The following LEKR1 variants were observed in gnomAD, a reference collection of about 807,000 sequenced individuals.
LEKR1 encodes the protein protein LEKR1.
A neutral mutation model predicts 72.4 loss-of-function variants in LEKR1; 59 were observed. The ratio of observed to expected loss-of-function variants is 0.82; its 90% CI spans 0.66 to 1.01. The LOEUF (loss-of-function observed/expected upper bound fraction) is 1.01, where lower values mean the gene tolerates loss of function less well. Ranked by LOEUF, LEKR1 falls within the 50% of genes least tolerant of loss-of-function variation. LEKR1 has a pLI of 0.00. For missense variants in LEKR1, 728 were observed against 759.2 expected, an observed-to-expected ratio of 0.96 and a Z score of 0.48; for synonymous variants, 257 against 263.2, an observed-to-expected ratio of 0.98 and a Z score of 0.23.
intron 6 of LEKR1, among the ~76,000 whole-genome samples, chr3:156,970,092 C>T (rs1336977617): frequency 1.3e-5 from 2 of 152,184 alleles, no homozygotes; most frequent in Admixed American, 6.5e-5. Flanking sequence ...TAAAAACTCT[C>T]AATAAATTAG....
intron 9 of LEKR1, among the ~76,000 whole-genome samples, chr3:157,001,553 A>G (rs1732014530): frequency 1.3e-5 from 2 of 152,230 alleles, no homozygotes; most frequent in Admixed American, 1.3e-4. Context: ...TTTTGGTCCA[A>G]TAATTTAATA....
chr3:156,876,550 G>A (rs1225097156), intron 3 of LEKR1, among the ~76,000 whole-genome samples: 1 of 152,114 alleles, frequency 6.6e-6, no homozygotes, highest in African/African-American at 2.4e-5. Flanking sequence ...CCTTGGTTAG[G>A]TATATTCCTA....
At chr3:156,951,492 T>G (rs1359720161) in intron 6 of LEKR1, among the ~76,000 whole-genome samples, 8 of 148,602 alleles carry the variant, frequency 5.4e-5, no homozygotes, top group African/African-American at 1.5e-4. Context: ...GCTCCTGGGG[T>G]TTTTTTTTGG....
At chr3:156,876,937 A>G (rs1295139429) in intron 3 of LEKR1, among the ~76,000 whole-genome samples, 2 of 140,822 alleles carry the variant, frequency 1.4e-5, no homozygotes, top group Non-Finnish European at 3.2e-5. Flanking sequence ...TTCCCCATTC[A>G]GTATAATGTT....
At chr3:156,907,484 T>C (rs1030933840) in intron 3 of LEKR1, among the ~76,000 whole-genome samples, 5 of 152,108 alleles carry the variant, frequency 3.3e-5, no homozygotes, top group African/African-American at 1.2e-4. Flanking sequence ...CTGACCATTA[T>C]TGGCATATAC....
At chr3:156,915,468 A>G (rs557247285) in intron 3 of LEKR1, among the ~76,000 whole-genome samples, 4 of 151,288 alleles carry the variant, frequency 2.6e-5, no homozygotes, top group Admixed American at 2.0e-4. Context: ...GTGTGAGATG[A>G]TATCTCATCG....
rs565310576 is a variant in LEKR1, at chr3:156,903,522, A to G, written c.264-17053A>G. On this transcript the variant is annotated intron_variant, in intron 3 of 12. Coordinates refer to ENST00000356539, the MANE Select transcript of LEKR1 (RefSeq NM_001004316.3). ...TAGTTACGACTCTTGGTTGTGACTA[A>G]AATTTAGCTTGAACTAGCTTAGGCA... Among the ~76,000 whole-genome samples, 5 of 152,168 alleles carry G rather than the reference A, an allele frequency of 3.3e-5. No individual in the cohort carries two copies. In the South Asian group the frequency reaches 1.0e-3, roughly 31 times the overall value.
At chr3:157,036,380 G>GAGAAA (rs1463728235) in intron 12 of LEKR1, among the ~76,000 whole-genome samples, 1 of 151,998 alleles carries the variant, frequency 6.6e-6, no homozygotes, top group Non-Finnish European at 1.5e-5. Flanking sequence ...CAAAAAGATG[G>GAGAAA]AGAAAAGAAA....
At chr3:157,014,788 T>C (rs1733177783) in intron 10 of LEKR1, among the ~76,000 whole-genome samples, 1 of 152,212 alleles carries the variant, frequency 6.6e-6, no homozygotes, top group African/African-American at 2.4e-5. Context: ...CCATTAATAA[T>C]GTAATTTTCA....
At chr3:157,010,726 C>G (rs1466981266) in intron 9 of LEKR1, among the ~76,000 whole-genome samples, 3 of 152,014 alleles carry the variant, frequency 2.0e-5, no homozygotes, top group Non-Finnish European at 4.4e-5. Flanking sequence ...AATTTCAGTG[C>G]CCCTGTGAAA....
At chr3:156,865,479 G>T (rs1717200469) in intron 3 of LEKR1, among the ~76,000 whole-genome samples, 1 of 151,928 alleles carries the variant, frequency 6.6e-6, no homozygotes, top group Non-Finnish European at 1.5e-5. Context: ...CATTATCTTT[G>T]ATTCTTCCCA....
intron 2 of LEKR1, among the ~76,000 whole-genome samples, chr3:156,839,672 A>G (rs1039925397): frequency 3.3e-5 from 5 of 152,202 alleles, no homozygotes; most frequent in African/African-American, 1.2e-4. Flanking sequence ...ATCAGTGCAG[A>G]CAATGAGAAA....
chr3:157,036,063 C>T (rs1734950421), intron 12 of LEKR1, among the ~76,000 whole-genome samples: 1 of 152,112 alleles, frequency 6.6e-6, no homozygotes, highest in African/African-American at 2.4e-5. Flanking sequence ...CATTTTTAAA[C>T]ACGAACAGCC....
intron 3 of LEKR1, among the ~76,000 whole-genome samples, chr3:156,872,734 A>G (rs1435227098): frequency 6.6e-6 from 1 of 151,722 alleles, no homozygotes; most frequent in Non-Finnish European, 1.5e-5. Flanking sequence ...TTTAATTTCC[A>G]TGTATTTGTA....
chr3:156,957,244 G>A (rs1002655042), intron 6 of LEKR1, among the ~76,000 whole-genome samples: 2 of 151,804 alleles, frequency 1.3e-5, no homozygotes, highest in African/African-American at 4.8e-5. Context: ...TATGACCACT[G>A]GGCATCAACA....
intron 3 of LEKR1, among the ~76,000 whole-genome samples, chr3:156,860,795 G>A (rs1019126395): frequency 2.0e-5 from 3 of 152,142 alleles, no homozygotes; most frequent in African/African-American, 7.2e-5. Flanking sequence ...AAGGGTATGG[G>A]CAGCTTAGTG....
At chr3:156,932,069 C>T (rs1424565093) in intron 5 of LEKR1, among the ~76,000 whole-genome samples, 1 of 152,108 alleles carries the variant, frequency 6.6e-6, no homozygotes, top group Non-Finnish European at 1.5e-5. Flanking sequence ...ATGTCTGTAA[C>T]TCACCTTGAT....
chr3:156,911,897 T>C (rs888753191), intron 3 of LEKR1, among the ~76,000 whole-genome samples: 1 of 152,184 alleles, frequency 6.6e-6, no homozygotes, highest in East Asian at 1.9e-4. Flanking sequence ...GCTGTTTTAG[T>C]TACTGTAGCC....
At chr3:156,995,483 C>A (rs1731489912) in intron 9 of LEKR1, among the ~76,000 whole-genome samples, 1 of 152,022 alleles carries the variant, frequency 6.6e-6, no homozygotes, top group Non-Finnish European at 1.5e-5. Context: ...CCAGAATATA[C>A]ATGTACTTAG....
Sources: allele counts gnomAD v4.1 joint callset (sites outside exome capture counted in the v4.1 genomes callset), GRCh38; gene constraint gnomAD v4.1.1; transcripts MANE v1.5; gene names NCBI Gene and HGNC (gene_info 2026-07-23, HGNC 2026-07-21).